The following CDC42BPA variants were observed in gnomAD, a reference collection of about 807,000 sequenced individuals.
The protein encoded by CDC42BPA is serine/threonine-protein kinase MRCK alpha.
In CDC42BPA, 80 loss-of-function variants were observed where a neutral mutation model predicts 223.5. The ratio of observed to expected loss-of-function variants is 0.36; its 90% CI spans 0.30 to 0.43. The LOEUF is 0.43. Among genes scored for constraint, CDC42BPA ranks in the 20% least tolerant of loss-of-function variants. The pLI is 1.00. For missense variants in CDC42BPA, 1,743 were observed against 2,099.9 expected (o/e 0.83, Z 3.32); for synonymous variants, 694 against 718.6 (o/e 0.97, Z 0.55).
chr1:227,087,825 T>A (rs1228055873), intron 16 of CDC42BPA, among the ~76,000 whole-genome samples: 1 of 152,252 alleles, frequency 6.6e-6, no homozygotes, highest in Non-Finnish European at 1.5e-5. Context: ...TTCTTCATAT[T>A]AGCATAGCCA....
At chr1:227,187,568 G>C (rs948140311) in intron 5 of CDC42BPA, among the ~76,000 whole-genome samples, 38 of 148,398 alleles carry the variant, frequency 2.6e-4, no homozygotes, top group Non-Finnish European at 3.4e-4. Flanking sequence ...GGGAATACCA[G>C]AAGGAAATGG....
At chr1:227,282,594 T>C (rs1211545485) in intron 1 of CDC42BPA, among the ~76,000 whole-genome samples, 1 of 152,180 alleles carries the variant, frequency 6.6e-6, no homozygotes. Flanking sequence ...TGCAGATAAA[T>C]AATTTTTCAA....
intron 10 of CDC42BPA, among the ~76,000 whole-genome samples, chr1:227,133,867 T>C (rs1280191995): frequency 6.6e-6 from 1 of 151,968 alleles, no homozygotes; most frequent in East Asian, 1.9e-4. Flanking sequence ...ACCAGAGACC[T>C]TTGTTCACTT....
chr1:227,273,150 T>C (rs970770783), intron 1 of CDC42BPA, among the ~76,000 whole-genome samples: 1 of 152,004 alleles, frequency 6.6e-6, no homozygotes, highest in Non-Finnish European at 1.5e-5. Context: ...ATACAAAAAT[T>C]AGCCAGGCAT....
At chr1:227,255,965 GGAGA>G (rs1682969134) in intron 1 of CDC42BPA, among the ~76,000 whole-genome samples, 1 of 151,988 alleles carries the variant, frequency 6.6e-6, no homozygotes, top group Non-Finnish European at 1.5e-5. Context: ...AAATTCATAT[GGAGA>G]GAGAGAAAAG....
At chr1:227,133,617 T>C (rs1438140028) in intron 10 of CDC42BPA, among the ~76,000 whole-genome samples, 1 of 152,220 alleles carries the variant, frequency 6.6e-6, no homozygotes, top group Non-Finnish European at 1.5e-5. Context: ...TGTTCTGTAC[T>C]AAGAAAAATT....
chr1:227,068,714 T>C (rs1449341409), intron 21 of CDC42BPA: 2 of 1,112,942 alleles, frequency 1.8e-6, no homozygotes, highest in South Asian at 1.7e-5. Flanking sequence ...ATTTAACGAA[T>C]ACAGCAATAA....
chr1:227,027,991 G>T (rs1473750826), intron 30 of CDC42BPA, among the ~76,000 whole-genome samples: 1 of 151,936 alleles, frequency 6.6e-6, no homozygotes. Context: ...GTGGTGGTGT[G>T]CACCTGCTGT....
chr1:227,071,474 A>C (rs917151313), intron 20 of CDC42BPA, among the ~76,000 whole-genome samples: 3 of 151,874 alleles, frequency 2.0e-5, no homozygotes, highest in African/African-American at 7.2e-5. Context: ...AGTTCATGTA[A>C]TACAGCTATG....
intron 15 of CDC42BPA, among the ~76,000 whole-genome samples, chr1:227,098,122 T>C (rs1346289200): frequency 6.6e-6 from 1 of 152,020 alleles, no homozygotes; most frequent in Non-Finnish European, 1.5e-5. Context: ...TGCAAACACA[T>C]ATGGATTCGG....
At chr1:227,276,572 G>A (rs1302823309) in intron 1 of CDC42BPA, among the ~76,000 whole-genome samples, 1 of 152,152 alleles carries the variant, frequency 6.6e-6, no homozygotes, top group Non-Finnish European at 1.5e-5. Context: ...CCGTCTGGGA[G>A]GTGTGCCCAA....
At chr1:227,179,747 G>C (rs1667624215) in intron 5 of CDC42BPA, among the ~76,000 whole-genome samples, 1 of 139,486 alleles carries the variant, frequency 7.2e-6, no homozygotes, top group African/African-American at 2.7e-5. Context: ...TATACAAAAA[G>C]GTAGACATCT....
intron 1 of CDC42BPA, among the ~76,000 whole-genome samples, chr1:227,305,833 G>C (rs776019094): frequency 6.6e-6 from 1 of 152,166 alleles, no homozygotes; most frequent in African/African-American, 2.4e-5. Flanking sequence ...AGGCATGGTG[G>C]TGGATGCCTA....
chr1:227,210,838 C>T (rs1296290216), intron 3 of CDC42BPA, among the ~76,000 whole-genome samples: 2 of 152,186 alleles, frequency 1.3e-5, no homozygotes, highest in Non-Finnish European at 2.9e-5. Flanking sequence ...TGAAGAAAGC[C>T]TACCAGTCCA....
intron 31 of CDC42BPA, among the ~76,000 whole-genome samples, chr1:227,024,853 G>A (rs1263452279): frequency 6.6e-6 from 1 of 152,168 alleles, no homozygotes; most frequent in Non-Finnish European, 1.5e-5. Flanking sequence ...CTGATTCTCA[G>A]GTTAGGAGGT....
chr1:227,276,239 C>T (rs1686996889), intron 1 of CDC42BPA, among the ~76,000 whole-genome samples: 1 of 150,958 alleles, frequency 6.6e-6, no homozygotes, highest in Non-Finnish European at 1.5e-5. Flanking sequence ...TGAGGAGCGC[C>T]TCTGCCCGGC....
At chr1:227,046,311 G>C (rs1672438970) in intron 23 of CDC42BPA, among the ~76,000 whole-genome samples, 1 of 151,948 alleles carries the variant, frequency 6.6e-6, no homozygotes, top group African/African-American at 2.4e-5. Context: ...TCTTTTCTGG[G>C]CCATTCAGTG....
chr1:227,080,259 GTCT>G (rs1341738884), intron 17 of CDC42BPA, among the ~76,000 whole-genome samples: 1 of 151,096 alleles, frequency 6.6e-6, no homozygotes, highest in Non-Finnish European at 1.5e-5. Context: ...TGGAAATACA[GTCT>G]TCATTAGATT....
At chr1:227,280,780 G>A (rs1221988063) in intron 1 of CDC42BPA, among the ~76,000 whole-genome samples, 1 of 152,190 alleles carries the variant, frequency 6.6e-6, no homozygotes, top group Non-Finnish European at 1.5e-5. Context: ...CTGCATTCTG[G>A]AAGTTCTGTT....
Sources: gnomAD v4.1 joint callset for allele counts (sites outside exome capture counted in the v4.1 genomes callset) on GRCh38, gnomAD v4.1.1 for gene constraint, MANE v1.5 for transcripts, NCBI Gene and HGNC (gene_info 2026-07-23, HGNC 2026-07-21) for gene names.